Variants in TTLL11 observed in about 807,000 individuals in gnomAD.
TTLL11 encodes tubulin tyrosine ligase like 11.
In TTLL11, 42 loss-of-function variants were observed where a neutral mutation model predicts 51.7. The ratio of observed to expected loss-of-function variants is 0.81; its 90% CI spans 0.64 to 1.05. The LOEUF (loss-of-function observed/expected upper bound fraction) is 1.05, where lower values mean the gene tolerates loss of function less well. Among genes scored for constraint, TTLL11 ranks in the 50% least tolerant of loss-of-function variants. The pLI, the probability that TTLL11 is intolerant of heterozygous loss-of-function variation, is 0.00. For synonymous variants in TTLL11, 381 were observed against 383.5 expected, an observed-to-expected ratio of 0.99 and a Z score of 0.08; for missense variants, 799 against 940.4, an observed-to-expected ratio of 0.85 and a Z score of 1.97.
At chr9:122,031,949 C>T in intron 2 of TTLL11, 93 bp from the exon 3 acceptor site, 3 of 1,480,786 alleles carry the variant, frequency 2.0e-6, no homozygotes, top group Non-Finnish European at 2.7e-6. Flanking sequence ...ACCCACCCGA[C>T]ATATTCTCTT....
intron 4 of TTLL11, among the ~76,000 whole-genome samples, chr9:121,976,686 A>G (rs984267762): frequency 5.2e-4 from 79 of 152,194 alleles, no homozygotes; most frequent in Non-Finnish European, 1.3e-4. Flanking sequence ...ATGAAATTAG[A>G]GCCTGAATGA....
intron 6 of TTLL11, among the ~76,000 whole-genome samples, chr9:121,969,217 T>A (rs1842492479): frequency 6.6e-6 from 1 of 152,132 alleles, no homozygotes; most frequent in Non-Finnish European, 1.5e-5. Context: ...TAGAAAAGAT[T>A]ATGAGGCTCA....
chr9:121,878,284 T>C (rs898815972), intron 6 of TTLL11, among the ~76,000 whole-genome samples: 2 of 152,214 alleles, frequency 1.3e-5, no homozygotes, highest in East Asian at 1.9e-4. Flanking sequence ...ATGAATCTGC[T>C]TGGGGGGCTT....
At chr9:122,073,070 C>A (rs1473044830) in intron 1 of TTLL11, among the ~76,000 whole-genome samples, 1 of 152,122 alleles carries the variant, frequency 6.6e-6, no homozygotes, top group Admixed American at 6.5e-5. Flanking sequence ...CCAATAATAA[C>A]AATAATGAAC....
At position 121,995,501 on chromosome 9, in the gene TTLL11, G is replaced by A. The variant is rs1014036451; in HGVS notation, c.694-5731C>T. ...TGGTGACTGGACAGATGTGAAAGGC[G>A]AGAGAGGAAAGGGTCATGGGTGAGC... On this transcript the variant is annotated intron_variant, in intron 3 of 8. Coordinates refer to ENST00000321582, the MANE Select transcript of TTLL11 (RefSeq NM_001139442.2). The surrounding 1 kb of genome is among the most constrained non-coding windows in gnomAD (Gnocchi z 4.4). Among the ~76,000 whole-genome samples the A allele has an allele frequency of 1.3e-5, 2 of 152,146 alleles. No homozygotes were observed. The highest frequency in any genetic ancestry group is 1.5e-5 in the Non-Finnish European group (1 of 68,016).
chr9:121,881,141 A>G (rs1838773791), intron 6 of TTLL11, among the ~76,000 whole-genome samples: 1 of 152,218 alleles, frequency 6.6e-6, no homozygotes. Context: ...AATTAGCAGA[A>G]AAGGCCAACT....
At chr9:121,859,979 A>T (rs1034877485) in intron 8 of TTLL11, among the ~76,000 whole-genome samples, 1 of 152,200 alleles carries the variant, frequency 6.6e-6, no homozygotes, top group Non-Finnish European at 1.5e-5. Context: ...CCAATGCTAC[A>T]GTGAATTCTT....
chr9:121,912,437 T>C (rs1182308594), intron 6 of TTLL11, among the ~76,000 whole-genome samples: 1 of 143,322 alleles, frequency 7.0e-6, no homozygotes, highest in Non-Finnish European at 1.5e-5. Flanking sequence ...TATGAAATGC[T>C]CTCTGTGTCT....
At chr9:121,882,788 C>A in intron 6 of TTLL11, among the ~76,000 whole-genome samples, 1 of 152,196 alleles carries the variant, frequency 6.6e-6, no homozygotes, top group Admixed American at 6.5e-5. Flanking sequence ...AGCCCACAGC[C>A]TTCCTGGATC....
Position 121,822,634 on chromosome 9 carries a change from T to C in TTLL11, c.2086A>G (p.Thr696Ala). 6.8e-7 allele frequency: 1 copy of C among 1,472,468 alleles called. No homozygotes were observed. 91.2% of individuals were successfully genotyped at this position (1,472,468 alleles called of 1,614,324 possible). Reference sequence around the variant, plus strand: ...TGGGAGAGCTTATTGGCACAGCTGGTGCGGGGTGGGGGGTTGTCCCCTGCT... The same window carrying C: ...TGGGAGAGCTTATTGGCACAGCTGGCGCGGGGTGGGGGGTTGTCCCCTGCT... ...QPAGDNPPPR[T>A]SCANKLSHPR... The change falls in exon 9 of 9, where the codon ACC becomes GCC. Residue 696 changes from threonine to alanine, a missense_variant. This residue lies in a region of TTLL11 where 165 missense variants were observed against 166.1 expected (regional missense o/e 0.99). Transcript: ENST00000321582. The surrounding 1 kb of genome is among the most constrained non-coding windows in gnomAD (Gnocchi z 5.8).
chr9:122,034,901 C>G (rs1844659047), intron 2 of TTLL11, among the ~76,000 whole-genome samples: 1 of 152,150 alleles, frequency 6.6e-6, no homozygotes, highest in Non-Finnish European at 1.5e-5. Context: ...GGCTCTAGGA[C>G]CAATTCTGAA....
At chr9:122,027,187 A>G (rs1415852927) in intron 3 of TTLL11, among the ~76,000 whole-genome samples, 7 of 152,158 alleles carry the variant, frequency 4.6e-5, no homozygotes, top group Admixed American at 3.9e-4. Context: ...ACACTTTTAA[A>G]CAACCAGATC....
chr9:121,824,047 T>G (rs2119103666), intron 8 of TTLL11, among the ~76,000 whole-genome samples: 1 of 152,364 alleles, frequency 6.6e-6, no homozygotes, highest in African/African-American at 2.4e-5. Flanking sequence ...CTTCCCGTGC[T>G]GCCCAGAGGT....
At chr9:121,893,667 C>T (rs1839344137) in intron 6 of TTLL11, among the ~76,000 whole-genome samples, 1 of 152,092 alleles carries the variant, frequency 6.6e-6, no homozygotes, top group Non-Finnish European at 1.5e-5. Flanking sequence ...GTCTGCTATC[C>T]CATTCCTCTG....
At chr9:122,064,175 C>T (rs1194365480) in intron 1 of TTLL11, among the ~76,000 whole-genome samples, 1 of 152,132 alleles carries the variant, frequency 6.6e-6, no homozygotes, top group Non-Finnish European at 1.5e-5. Context: ...TCCTTCTCAG[C>T]ACCAAACTGA....
At chr9:121,988,651 C>A (rs1210806821) in intron 4 of TTLL11, among the ~76,000 whole-genome samples, 1 of 152,202 alleles carries the variant, frequency 6.6e-6, no homozygotes, top group Non-Finnish European at 1.5e-5. Flanking sequence ...CACTCCCGCC[C>A]AGAGAATGTT....
Position 121,853,637 on chromosome 9 carries a change from A to C in TTLL11, c.1840+6700T>G, listed in dbSNP as rs555946547. On this transcript the variant is annotated intron_variant, in intron 8 of 8. Transcript: ENST00000321582. The surrounding 1 kb of genome is among the most constrained non-coding windows in gnomAD (Gnocchi z 5.6). ...TGACTGCAGGCAGCTGGGGGCCGGC[A>C]CAGGCCTGTAAGTGATGGGAGCAGG... Among the ~76,000 whole-genome samples, 235 of 152,288 alleles carry C rather than the reference A, an allele frequency of 1.5e-3. 1 individual carries two copies. Among genetic ancestry groups the C allele is most frequent in the African/African-American group, 5.5e-3 (228 of 41,570 alleles).
chr9:122,067,830 T>C (rs555450706), intron 1 of TTLL11, among the ~76,000 whole-genome samples: 4 of 152,216 alleles, frequency 2.6e-5, no homozygotes, highest in Non-Finnish European at 2.9e-5. Flanking sequence ...ATGTAAACAA[T>C]GTACTTAATT....
At chr9:122,058,055 G>A (rs1316716305) in intron 1 of TTLL11, among the ~76,000 whole-genome samples, 1 of 152,228 alleles carries the variant, frequency 6.6e-6, no homozygotes, top group African/African-American at 2.4e-5. Context: ...AGCAGAGCAT[G>A]AGTTATTCTG....
Sources: gnomAD v4.1 joint callset for allele counts (sites outside exome capture counted in the v4.1 genomes callset) on GRCh38, gnomAD v4.1.1 for gene constraint, gnomAD v4.1.1 regional missense constraint, Gnocchi (gnomAD v3.1) non-coding constraint, MANE v1.5 for transcripts, NCBI Gene and HGNC (gene_info 2026-07-23, HGNC 2026-07-21) for gene names.